Variants in LYST observed in about 807,000 individuals in gnomAD.
LYST encodes the protein lysosomal trafficking regulator.
In LYST, 192 loss-of-function variants were observed where a neutral mutation model predicts 413.6. The ratio of observed to expected loss-of-function variants is 0.46; its 90% CI spans 0.41 to 0.52. The LOEUF (loss-of-function observed/expected upper bound fraction) is 0.52. LYST is among the 20% of genes least tolerant of loss of function. The probability of loss-of-function intolerance (pLI) is 0.00; values close to 1 mark genes in which losing one functional copy is unlikely to be tolerated. For synonymous variants in LYST, 1,525 were observed against 1,567.3 expected (o/e 0.97, Z 0.64); for missense variants, 3,815 against 4,499.9 (o/e 0.85, Z 4.35).
In LYST at chr1:235,816,601, G is replaced by T. The variant is rs1366350856; in HGVS notation, c.193-3540C>A. Among the ~76,000 whole-genome samples, 3 of 151,810 alleles carry T rather than the reference G, an allele frequency of 2.0e-5. No homozygotes were observed. The East Asian group carries it at 5.8e-4, about 29-fold the overall frequency. On this transcript the variant is annotated intron_variant, in intron 3 of 52. Transcript: ENST00000389793. The stretch of plus-strand genomic sequence containing the variant: ...ATGGAATAAGAAAAGACTCTGAATA[G>T]CCAAAGCAATCCTATACAAAAAGAA...
chr1:235,675,788 A>G (rs1012830272), intron 50 of LYST, among the ~76,000 whole-genome samples: 1 of 152,238 alleles, frequency 6.6e-6, no homozygotes, highest in Non-Finnish European at 1.5e-5. Flanking sequence ...GGTGGGGCTC[A>G]TGGCAGCCTC....
intron 3 of LYST, among the ~76,000 whole-genome samples, chr1:235,821,224 C>T (rs1165175119): frequency 6.6e-6 from 1 of 152,134 alleles, no homozygotes; most frequent in Non-Finnish European, 1.5e-5. Context: ...GTTGCTTGAG[C>T]TCAGGAGCTT....
intron 48 of LYST, among the ~76,000 whole-genome samples, chr1:235,680,275 A>G (rs1342037071): frequency 6.6e-6 from 1 of 152,032 alleles, no homozygotes; most frequent in Non-Finnish European, 1.5e-5. Context: ...TTGTTTTTTG[A>G]GACAGGGTCT....
In LYST at chr1:235,692,301, C is replaced by G. The variant is rs1572008498; in HGVS notation, c.10701+1049G>C. 3.3e-5 allele frequency among the ~76,000 whole-genome samples: 5 copies of G among 151,582 alleles called. No individual in the cohort carries two copies. The South Asian group carries it at 1.1e-3, about 32-fold the overall frequency. ...TGGGCACAGATCACACCACTGTACT[C>G]CAGCCTGGGCGATGGAGCGAGACTT... is the stretch of plus-strand genomic sequence containing the variant. On this transcript the variant is annotated intron_variant, in intron 47 of 52. Coordinates refer to ENST00000389793, the MANE Select transcript of LYST (RefSeq NM_000081.4).
chr1:235,703,731 A>G lies in LYST; in HGVS notation c.10144-754T>C, dbSNP rs1239002102. Among the ~76,000 whole-genome samples the G allele has an allele frequency of 3.9e-5, 6 of 152,122 alleles. No homozygotes were observed. The South Asian group carries it at 1.0e-3, about 26-fold the overall frequency. ...CTTCAACTCCATTCTCCTCACCACAACTCCCAGCACCAGTGATCAAATCCT... is the reference window on the plus strand; with the variant it reads ...CTTCAACTCCATTCTCCTCACCACAGCTCCCAGCACCAGTGATCAAATCCT... On this transcript the variant is annotated intron_variant, in intron 44 of 52. Transcript: ENST00000389793.
At chr1:235,781,231 T>A (rs1421871255) in intron 15 of LYST, among the ~76,000 whole-genome samples, 176 bp from the exon 16 acceptor site, 1 of 152,186 alleles carries the variant, frequency 6.6e-6, no homozygotes, top group African/African-American at 2.4e-5. Flanking sequence ...ATAACCTATG[T>A]CAACTATGAT....
At chr1:235,731,255 T>G in intron 34 of LYST, 78 bp from the exon 35 acceptor site, 1 of 1,275,052 alleles carries the variant, frequency 7.8e-7, no homozygotes, top group East Asian at 2.3e-5. Flanking sequence ...TTATAGAGAT[T>G]GAGTAAGTAA....
chr1:235,677,246 AT>A, intron 49 of LYST, 58 bp from the exon 50 acceptor site: 1 of 1,346,782 alleles, frequency 7.4e-7, no homozygotes, highest in East Asian at 2.3e-5. Context: ...ACATTCTCTT[AT>A]TTTGTAATTC....
rs751234673 is a variant in LYST at position 235,759,012 on chromosome 1, C to G, written c.6841G>C (p.Gly2281Arg). Residue 2281 changes from glycine (G) to arginine (R), a missense_variant, in exon 23 of 53, where the codon GGT becomes CGT. Gly to Arg is a moderately radical substitution (Grantham distance 125). Coordinates refer to ENST00000389793, the MANE Select transcript of LYST (RefSeq NM_000081.4). ...DDWENFAYSL[G>R]YEPNYNRTAS... is the part of the protein sequence containing the mutation. ...GTTCGGTTGTAATTTGGCTCATAAC[C>G]AAGAGAATAGGCAAAGTTTTCCCAA... 6.2e-7 allele frequency: 1 copy of G among 1,614,008 alleles called. No homozygotes were observed. The highest frequency in any genetic ancestry group is 8.5e-7 in the Non-Finnish European group (1 of 1,179,970).
At chr1:235,815,798 A>C (rs1558292750) in intron 3 of LYST, among the ~76,000 whole-genome samples, 1 of 152,136 alleles carries the variant, frequency 6.6e-6, no homozygotes, top group Non-Finnish European at 1.5e-5. Flanking sequence ...ACACAAACAA[A>C]TGGAGAAACA....
intron 39 of LYST, among the ~76,000 whole-genome samples, chr1:235,722,605 C>T (rs1480093049): frequency 1.3e-5 from 2 of 152,154 alleles, no homozygotes; most frequent in Non-Finnish European, 2.9e-5. Context: ...CCTGCCTCAG[C>T]CTCCCAAGTA....
At chr1:235,680,639 C>T (rs1659737811) in intron 48 of LYST, among the ~76,000 whole-genome samples, 1 of 151,434 alleles carries the variant, frequency 6.6e-6, no homozygotes, top group Non-Finnish European at 1.5e-5. Context: ...GCTCTTGCTG[C>T]CCAGGCTGGA....
chr1:235,784,812 T>C (rs1448976916), intron 14 of LYST, among the ~76,000 whole-genome samples: 4 of 152,138 alleles, frequency 2.6e-5, no homozygotes, highest in Non-Finnish European at 5.9e-5. Context: ...GATTTAACTA[T>C]AGGTTCTGGA....
intron 27 of LYST, 104 bp from the exon 28 acceptor site, chr1:235,751,466 T>C (rs1003092726): frequency 4.7e-6 from 5 of 1,053,402 alleles, no homozygotes; most frequent in Non-Finnish European, 5.8e-6. Context: ...TATAAATTTT[T>C]AAATTTTGAT....
Position 235,759,401 on chromosome 1 carries a change from C to T in LYST, c.6452G>A (p.Gly2151Glu), listed in dbSNP as rs199721128. 1.2e-6 allele frequency: 2 copies of T among 1,614,112 alleles called. No individual in the cohort carries two copies. Among genetic ancestry groups the T allele is most frequent in the Non-Finnish European group, 1.7e-6 (2 of 1,179,998 alleles). Residue 2151 changes from glycine (G) to glutamate (E), a missense_variant, in exon 23 of 53, where the codon GGG becomes GAG. Physicochemically the swap from Gly to Glu is moderately conservative, Grantham distance 98. This residue lies in a region of LYST where 771 missense variants were observed against 837.1 expected (regional missense o/e 0.92). Transcript: ENST00000389793. ...ATQSKKQNSL[G>E]SSDTLKKGKE... Reference sequence around the variant, plus strand: ...GCCTTTTTTCAGTGTGTCGGAACTCCCCAAAGAATTTTGTTTCTTTGATTG... The same window carrying T: ...GCCTTTTTTCAGTGTGTCGGAACTCTCCAAAGAATTTTGTTTCTTTGATTG...
At chr1:235,868,350 C>T (rs1402319311), upstream of LYST, among the ~76,000 whole-genome samples, 1 of 152,090 alleles carries the variant, frequency 6.6e-6, no homozygotes, top group Admixed American at 6.5e-5. Context: ...GTGCTAGGTG[C>T]ATGGGCCTGA....
chr1:235,663,928 C>T (rs143217805), intron 52 of LYST, 56 bp downstream of exon 52: 72 of 1,418,254 alleles, frequency 5.1e-5, no homozygotes, highest in African/African-American at 1.3e-4. Flanking sequence ...TACCTCTCTA[C>T]GAAAAATACA....
chr1:235,839,913 T>C (rs1345647243), intron 1 of LYST: 1 of 152,204 alleles, frequency 6.6e-6, no homozygotes, highest in Non-Finnish European at 1.5e-5. Flanking sequence ...TTCCTTCACA[T>C]ATTATTTCCA....
chr1:235,864,811 C>T (rs1322472609), intron 1 of LYST, among the ~76,000 whole-genome samples: 2 of 152,116 alleles, frequency 1.3e-5, no homozygotes, highest in Admixed American at 6.5e-5. Flanking sequence ...TGCCTGAAGT[C>T]CCAATTACTT....
Sources: gnomAD v4.1 joint callset for allele counts (sites outside exome capture counted in the v4.1 genomes callset) on GRCh38, gnomAD v4.1.1 for gene constraint, gnomAD v4.1.1 regional missense constraint, MANE v1.5 for transcripts, NCBI Gene and HGNC (gene_info 2026-07-23, HGNC 2026-07-21) for gene names.